TRIOBP: variants seen among roughly 807,000 people sequenced by gnomAD.
TRIOBP encodes the protein TRIO and F-actin-binding protein.
A neutral mutation model predicts 238.8 loss-of-function variants in TRIOBP; 169 were observed. The ratio of observed to expected loss-of-function variants is 0.71; its 90% CI spans 0.62 to 0.80. TRIOBP has a LOEUF of 0.80. Ranked by LOEUF, TRIOBP falls within the 30% of genes least tolerant of loss-of-function variation. TRIOBP has a pLI of 0.00. For synonymous variants in TRIOBP, 1,150 were observed against 1,274.4 expected (o/e 0.90, Z 2.08); for missense variants, 2,838 against 3,122.6 (o/e 0.91, Z 2.17).
chr22:37,745,372 G>A (rs1221961488), intron 11 of TRIOBP, among the ~76,000 whole-genome samples: 3 of 151,990 alleles, frequency 2.0e-5, no homozygotes, highest in Admixed American at 1.3e-4. Context: ...ATTGAGCACC[G>A]AGAGGTGCCT....
chr22:37,758,785 C>G (rs770963608), intron 16 of TRIOBP, among the ~76,000 whole-genome samples: 1 of 152,200 alleles, frequency 6.6e-6, no homozygotes, highest in African/African-American at 2.4e-5. Context: ...ACAGCGGCCT[C>G]TACCCCTAGG....
Position 37,734,611 on chromosome 22 carries a change from GGTGTGGCAGA to G in TRIOBP, c.4278_4287del (p.Trp1427ArgfsTer14). 1 of 1,582,996 alleles carries G rather than the reference GGTGTGGCAGA, an allele frequency of 6.3e-7. No homozygotes were observed. Among genetic ancestry groups the G allele is most frequent in the East Asian group, 2.3e-5 (1 of 43,328 alleles). ...AAGCAGGCCCAAGACAGCCTCTGGG[GGTGTGGCAGA>G]GTCAGGAGGAACCGCCAGGGTCCCA... On this transcript the variant is annotated frameshift_variant, in exon 9 of 24. Coordinates refer to ENST00000644935, the MANE Select transcript of TRIOBP (RefSeq NM_001039141.3). LOFTEE classifies it high-confidence loss of function.
rs1569034757 is a variant in TRIOBP, at chr22:37,711,619, CCCACAAAAAAACGA to C, written c.254+1054_254+1067del. Reference sequence around the variant, plus strand: ...AACAAAAAAAAAAAACAAAAAAAAACCCACAAAAAAACGAAAAAAAAAACAAAGACAGCTTTGTT... The same window carrying C: ...AACAAAAAAAAAAAACAAAAAAAAACAAAAAAAAACAAAGACAGCTTTGTT... On this transcript the variant is annotated intron_variant, in intron 4 of 23. Coordinates refer to ENST00000644935, the MANE Select transcript of TRIOBP (RefSeq NM_001039141.3). Among the ~76,000 whole-genome samples the C allele has an allele frequency of 6.5e-4, 96 of 147,488 alleles. 1 individual carries two copies. In the Middle Eastern group the frequency reaches 0.014, roughly 21 times the overall value.
intron 11 of TRIOBP, chr22:37,746,075 G>GTCCCGCCGTCCCGCCGT: frequency 3.9e-6 from 2 of 509,688 alleles, no homozygotes; most frequent in Non-Finnish European, 2.5e-6. Context: ...CCGCCCCGCC[G>GTCCCGCCGTCCCGCCGT]CCCTAGCGCG....
At chr22:37,722,492 C>T (rs749325055) in intron 6 of TRIOBP, among the ~76,000 whole-genome samples, 3 of 149,964 alleles carry the variant, frequency 2.0e-5, no homozygotes, top group South Asian at 2.1e-4. Context: ...TTTGGGAGGC[C>T]GAGGTGAGCG....
In TRIOBP at chr22:37,755,636, A is replaced by G; in HGVS notation, c.5664A>G (p.Pro1888=). 1 of 1,614,084 alleles carries G rather than the reference A, an allele frequency of 6.2e-7. No individual in the cohort carries two copies. Among genetic ancestry groups the G allele is most frequent in the Non-Finnish European group, 8.5e-7 (1 of 1,180,032 alleles). The change falls in exon 15 of 24, where the codon CCA becomes CCG. Residue 1888 remains proline (P), a synonymous_variant. Transcript: ENST00000644935. ...AGGCTCTGAGAAAGACCGTACGTCC[A>G]ACTTCAGCCCCAGATGTCACCAAGT... ...WIEALRKTVR[P]TSAPDVTKLS...
intron 3 of TRIOBP, among the ~76,000 whole-genome samples, chr22:37,709,765 G>A (rs540431717): frequency 6.6e-6 from 1 of 152,216 alleles, no homozygotes; most frequent in Non-Finnish European, 1.5e-5. Flanking sequence ...CTTGCCAAAG[G>A]TGGAGGGAGA....
intron 17 of TRIOBP, among the ~76,000 whole-genome samples, chr22:37,763,967 T>A (rs1333705762): frequency 6.6e-6 from 1 of 152,204 alleles, no homozygotes; most frequent in Non-Finnish European, 1.5e-5. Flanking sequence ...CCTTCCTTCA[T>A]CTTCAAAGCC....
chr22:37,759,409 C>A, intron 17 of TRIOBP, 145 bp downstream of exon 17: 2 of 1,281,802 alleles, frequency 1.6e-6, no homozygotes, highest in Non-Finnish European at 2.3e-6. Context: ...CATTTACTCT[C>A]CCCACAGCTG....
chr22:37,766,609 G>A (rs1453443185), intron 18 of TRIOBP, among the ~76,000 whole-genome samples: 2 of 152,196 alleles, frequency 1.3e-5, no homozygotes, highest in African/African-American at 4.8e-5. Flanking sequence ...ACACTTAAGT[G>A]GAATAATAAA....
intron 16 of TRIOBP, among the ~76,000 whole-genome samples, chr22:37,758,948 G>A (rs978208239): frequency 1.3e-5 from 2 of 152,124 alleles, no homozygotes; most frequent in African/African-American, 4.8e-5. Flanking sequence ...TCATTGACCT[G>A]GCCATCCAGG....
Position 37,715,864 on chromosome 22 carries a change from C to T in TRIOBP, c.558C>T (p.Ser186=). The T allele has an allele frequency of 2.5e-6, 4 of 1,613,932 alleles. No individual in the cohort carries two copies. The highest frequency in any genetic ancestry group is 3.4e-6 in the Non-Finnish European group (4 of 1,179,958). ...RRPREGPRAD[S]SQRAPSLLTR... is the part of the protein sequence containing the mutation. ...CTCGGGAGGGGCCGAGAGCTGACAG[C>T]TCCCAAAGGGCTCCGTCTCTCCTCA... The change falls in exon 6 of 24, where the codon AGC becomes AGT. Residue 186 remains serine (S), a synonymous_variant. Transcript: ENST00000644935.
At chr22:37,722,871 C>T (rs1923905246) in intron 6 of TRIOBP, among the ~76,000 whole-genome samples, 1 of 152,240 alleles carries the variant, frequency 6.6e-6, no homozygotes, top group Admixed American at 6.5e-5. Flanking sequence ...CAACACTTCT[C>T]TCCACAAATT....
chr22:37,749,335 G>A (rs1367307303), intron 11 of TRIOBP, among the ~76,000 whole-genome samples: 1 of 152,082 alleles, frequency 6.6e-6, no homozygotes, highest in African/African-American at 2.4e-5. Context: ...AGCCTGGGCA[G>A]CAGAGACTCT....
At chr22:37,726,793 G>T (rs190753500) in intron 7 of TRIOBP, among the ~76,000 whole-genome samples, 1 of 152,174 alleles carries the variant, frequency 6.6e-6, no homozygotes, top group Non-Finnish European at 1.5e-5. Flanking sequence ...ATGTCAACTC[G>T]TATGACCTGA....
intron 3 of TRIOBP, among the ~76,000 whole-genome samples, chr22:37,705,498 G>C (rs929379286): frequency 2.6e-5 from 4 of 152,070 alleles, no homozygotes; most frequent in African/African-American, 9.7e-5. Flanking sequence ...TGGAGAATGG[G>C]GGGAGGCCTG....
intron 7 of TRIOBP, among the ~76,000 whole-genome samples, chr22:37,732,093 A>G (rs1236882674): frequency 6.6e-6 from 1 of 152,144 alleles, no homozygotes; most frequent in Non-Finnish European, 1.5e-5. Context: ...TCCATTTGCT[A>G]ACTGAGACCC....
In TRIOBP at chr22:37,771,697, G is replaced by A; in HGVS notation, c.6897G>A (p.Glu2299=). The part of the protein sequence containing the change: ...KENELQYLKK[E]VQCLRDELQM... ...ACGAACTCCAGTACCTAAAGAAGGA[G>A]GTGCAGTGCCTCCGGGACGAGCTCC... Residue 2299 remains glutamate (E), a synonymous_variant, in exon 22 of 24, where the codon GAG becomes GAA. Transcript: ENST00000644935. The A allele has an allele frequency of 1.2e-6, 2 of 1,614,192 alleles. No homozygotes were observed. The highest frequency in any genetic ancestry group is 1.7e-5 in the Admixed American group (1 of 60,026).
At chr22:37,756,046 C>A (rs1046731528) in intron 15 of TRIOBP, among the ~76,000 whole-genome samples, 3 of 152,222 alleles carry the variant, frequency 2.0e-5, no homozygotes, top group African/African-American at 7.2e-5. Flanking sequence ...TGGAGGCTGC[C>A]ACGGGCACTG....
Sources: gnomAD v4.1 joint callset for allele counts (sites outside exome capture counted in the v4.1 genomes callset) on GRCh38, gnomAD v4.1.1 for gene constraint, MANE v1.5 for transcripts, NCBI Gene and HGNC (gene_info 2026-07-23, HGNC 2026-07-21) for gene names.